The following PATJ variants were observed in gnomAD, a reference collection of about 807,000 sequenced individuals.
PATJ encodes the protein inaD-like protein.
In PATJ, 190 loss-of-function variants were observed where a neutral mutation model predicts 224.9. The ratio of observed to expected loss-of-function variants is 0.84; its 90% confidence interval spans 0.75 to 0.95. The LOEUF is 0.95. Ranked by LOEUF, PATJ falls within the 40% of genes least tolerant of loss-of-function variation. PATJ has a pLI of 0.00. For synonymous variants in PATJ, 769 were observed against 820.3 expected (o/e 0.94, Z 1.07); for missense variants, 2,121 against 2,270.3 (o/e 0.93, Z 1.34).
chr1:62,122,823 CAAA>C (rs367957104), intron 38 of PATJ, among the ~76,000 whole-genome samples, 195 bp from the exon 39 acceptor site: 5 of 127,676 alleles, frequency 3.9e-5, no homozygotes, highest in African/African-American at 2.9e-5. Context: ...GACTCTGTGT[CAAA>C]AAAAAAAAAA....
At chr1:62,048,613 A>G (rs1261018114) in intron 30 of PATJ, among the ~76,000 whole-genome samples, 2 of 151,820 alleles carry the variant, frequency 1.3e-5, no homozygotes, top group Non-Finnish European at 2.9e-5. Context: ...TTTAAAATCT[A>G]GAAACAAAAG....
chr1:62,149,167 A>C, intron 42 of PATJ, among the ~76,000 whole-genome samples: 1 of 88,006 alleles, frequency 1.1e-5, no homozygotes, highest in South Asian at 3.7e-4. Context: ...TCTAGGGAGC[A>C]TGTTTAAAGA....
intron 1 of PATJ, among the ~76,000 whole-genome samples, chr1:61,752,263 C>T (rs1645377185): frequency 6.6e-6 from 1 of 150,706 alleles, no homozygotes; most frequent in Non-Finnish European, 1.5e-5. Flanking sequence ...AGAAAATTAG[C>T]ATGAGTTAAC....
Position 62,017,902 on chromosome 1 carries a change from C to T in PATJ, c.3914C>T (p.Ala1305Val). 1.9e-6 allele frequency: 3 copies of T among 1,612,472 alleles called. No homozygotes were observed. The highest frequency in any genetic ancestry group is 2.5e-6 in the Non-Finnish European group (3 of 1,178,706). The change falls in exon 29 of 44, where the codon GCC (alanine) becomes GTC (valine). Residue 1305 changes from alanine (A) to valine (V), a missense_variant. Ala to Val is a moderately conservative substitution (Grantham distance 64). Coordinates refer to ENST00000642238, the MANE Select transcript of PATJ (RefSeq NM_001350145.3). ...GGAAGAAGTCACCAAAATGCATCTG[C>T]CATTATTAAGACTGCCCCATCAAAG... Reference protein sequence around the residue: ...LYGRSHQNASAIIKTAPSKVK... With the variant: ...LYGRSHQNASVIIKTAPSKVK...
chr1:61,830,023 A>T (rs1457378897), intron 16 of PATJ, among the ~76,000 whole-genome samples: 1 of 152,236 alleles, frequency 6.6e-6, no homozygotes, highest in Admixed American at 6.5e-5. Context: ...TGTTAGGTTC[A>T]ATCCACTGTG....
At position 61,901,281 on chromosome 1, in the gene PATJ, G is replaced by A. The variant is rs779057592; in HGVS notation, c.3204-1G>A. 1 of 1,522,210 alleles carries A rather than the reference G, an allele frequency of 6.6e-7. No individual in the cohort carries two copies. The highest frequency in any genetic ancestry group is 2.7e-5 in the Admixed American group (1 of 37,474). The allele number at this position is 1,522,210 out of a possible 1,614,324, so 94.3% of individuals were successfully genotyped here. A position where few individuals can be genotyped will look rare whatever the true frequency, so the allele number is the denominator to read the frequency against. On this transcript the variant is annotated splice_acceptor_variant, in intron 23 of 43. Coordinates refer to ENST00000642238, the MANE Select transcript of PATJ (RefSeq NM_001350145.3). LOFTEE classifies it high-confidence loss of function. Reference sequence around the variant, plus strand: ...GAGTTTTGTTTTTTTCCTTTATATAGTGTTGAGATTTTTAGAGAACCCAAT... The same window carrying A: ...GAGTTTTGTTTTTTTCCTTTATATAATGTTGAGATTTTTAGAGAACCCAAT...
intron 29 of PATJ, among the ~76,000 whole-genome samples, chr1:62,030,701 C>T (rs1450160500): frequency 1.3e-5 from 2 of 152,218 alleles, no homozygotes; most frequent in Non-Finnish European, 2.9e-5. Context: ...CAAGAGCCAC[C>T]TGCTTCCTGA....
intron 27 of PATJ, among the ~76,000 whole-genome samples, chr1:61,972,233 C>G (rs1455010008): frequency 6.6e-6 from 1 of 151,928 alleles, no homozygotes; most frequent in Non-Finnish European, 1.5e-5. Context: ...TAAATTTGTG[C>G]ATGAAACAAA....
At chr1:61,945,423 G>A (rs1678530344) in intron 27 of PATJ, among the ~76,000 whole-genome samples, 1 of 151,792 alleles carries the variant, frequency 6.6e-6, no homozygotes, top group African/African-American at 2.4e-5. Context: ...AGCAGGGGTT[G>A]CAATCCTAGT....
At chr1:62,117,795 C>A (rs1664611478) in intron 37 of PATJ, among the ~76,000 whole-genome samples, 1 of 151,866 alleles carries the variant, frequency 6.6e-6, no homozygotes, top group African/African-American at 2.4e-5. Flanking sequence ...ATATTTTTTT[C>A]ATTGTAATGG....
At chr1:62,059,721 A>G (rs1171481859) in intron 31 of PATJ, among the ~76,000 whole-genome samples, 1 of 152,228 alleles carries the variant, frequency 6.6e-6, no homozygotes, top group Non-Finnish European at 1.5e-5. Flanking sequence ...TCAAAACTGA[A>G]GTCAGGAAGA....
chr1:62,130,203 G>A (rs1300318405), intron 41 of PATJ, among the ~76,000 whole-genome samples: 2 of 152,174 alleles, frequency 1.3e-5, no homozygotes, highest in African/African-American at 4.8e-5. Flanking sequence ...GCATGGTGGT[G>A]TGTGCCTGTA....
chr1:62,018,804 T>C lies in PATJ; in HGVS notation c.3959+857T>C, dbSNP rs1558048141. 1.3e-5 allele frequency among the ~76,000 whole-genome samples: 2 copies of C among 152,260 alleles called. No homozygotes were observed. Among genetic ancestry groups the C allele is most frequent in the Non-Finnish European group, 2.9e-5 (2 of 68,016 alleles). On this transcript the variant is annotated intron_variant, in intron 29 of 43. Coordinates refer to ENST00000642238, the MANE Select transcript of PATJ (RefSeq NM_001350145.3). The surrounding 1 kb of genome is among the most constrained non-coding windows in gnomAD (Gnocchi z 4.2). ...TGCTATTTTAGGATTATGACAATCA[T>C]TATTATTCTTCCCTTTCTCGTTAGT...
chr1:61,777,425 C>T (rs1646974338), intron 7 of PATJ, among the ~76,000 whole-genome samples: 1 of 151,924 alleles, frequency 6.6e-6, no homozygotes, highest in African/African-American at 2.4e-5. Context: ...GTTAGCTGGG[C>T]ATGGTGCTAC....
intron 30 of PATJ, among the ~76,000 whole-genome samples, chr1:62,040,442 G>C (rs1651268387): frequency 6.6e-6 from 1 of 152,034 alleles, no homozygotes; most frequent in Non-Finnish European, 1.5e-5. Context: ...GGGAACTGGG[G>C]GAAAGAGGAG....
At chr1:61,778,668 T>C (rs1389771286) in intron 7 of PATJ, among the ~76,000 whole-genome samples, 1 of 152,094 alleles carries the variant, frequency 6.6e-6, no homozygotes, top group Non-Finnish European at 1.5e-5. Flanking sequence ...AAGAGATTTG[T>C]AAAAATATTA....
intron 31 of PATJ, among the ~76,000 whole-genome samples, chr1:62,076,536 G>A (rs1658340607): frequency 6.6e-6 from 1 of 152,148 alleles, no homozygotes. Flanking sequence ...CACACATACC[G>A]ACAACTGGAG....
intron 33 of PATJ, among the ~76,000 whole-genome samples, chr1:62,105,935 A>AT (rs1662858362): frequency 6.7e-6 from 1 of 148,426 alleles, no homozygotes; most frequent in East Asian, 2.0e-4. Context: ...TTTGTTTTTA[A>AT]TAGAAAGTAA....
chr1:61,909,159 T>C (rs1192318752), intron 25 of PATJ, among the ~76,000 whole-genome samples: 1 of 152,142 alleles, frequency 6.6e-6, no homozygotes, highest in African/African-American at 2.4e-5. Flanking sequence ...TTTGTATTTT[T>C]AGTAGAGACG....
Sources: gnomAD v4.1 joint callset for allele counts (sites outside exome capture counted in the v4.1 genomes callset) on GRCh38, gnomAD v4.1.1 for gene constraint, Gnocchi (gnomAD v3.1) non-coding constraint, MANE v1.5 for transcripts, NCBI Gene and HGNC (gene_info 2026-07-23, HGNC 2026-07-21) for gene names.